Variants in INPP4A observed in about 807,000 individuals in gnomAD.
The protein encoded by INPP4A is inositol polyphosphate-4-phosphatase, type I, 107kD.
In INPP4A, 33 loss-of-function variants were observed where a neutral mutation model predicts 119.8. That is an observed-to-expected ratio of 0.28 (90% CI 0.21 to 0.37). The LOEUF is 0.37. INPP4A is among the 10% of genes least tolerant of loss of function. The pLI is 1.00. For missense variants in INPP4A, 956 were observed against 1,289.9 expected, an observed-to-expected ratio of 0.74 and a Z score of 3.97; for synonymous variants, 496 against 500.7, an observed-to-expected ratio of 0.99 and a Z score of 0.12.
intron 17 of INPP4A, among the ~76,000 whole-genome samples, chr2:98,562,077 G>A (rs578223802): frequency 2.7e-4 from 41 of 152,324 alleles, no homozygotes; most frequent in Non-Finnish European, 4.6e-4. Flanking sequence ...AGCAGTGGCC[G>A]GGGCCGGGCC....
At chr2:98,530,357 G>C (rs147005645) in intron 4 of INPP4A, among the ~76,000 whole-genome samples, 2 of 152,226 alleles carry the variant, frequency 1.3e-5, no homozygotes, top group East Asian at 3.9e-4. Flanking sequence ...TAGACACTAA[G>C]TGTCTAAAGA....
intron 1 of INPP4A, among the ~76,000 whole-genome samples, chr2:98,512,365 C>G (rs943482721): frequency 3.9e-5 from 6 of 152,182 alleles, no homozygotes; most frequent in Non-Finnish European, 5.9e-5. Context: ...CAGGTTGATC[C>G]AAGGGTTTAG....
chr2:98,555,861 C>T (rs1694389290), intron 16 of INPP4A, 53 bp downstream of exon 16: 3 of 1,506,182 alleles, frequency 2.0e-6, no homozygotes, highest in Non-Finnish European at 2.7e-6. Flanking sequence ...CCTTGTGCTG[C>T]TTCCATTTGT....
At chr2:98,460,705 C>A (rs980607736) in intron 1 of INPP4A, among the ~76,000 whole-genome samples, 3 of 152,172 alleles carry the variant, frequency 2.0e-5, no homozygotes, top group African/African-American at 7.2e-5. Flanking sequence ...GTTGTGGATG[C>A]TGCGGCTCAC....
chr2:98,507,192 G>A (rs1186567201), intron 1 of INPP4A, among the ~76,000 whole-genome samples: 4 of 152,220 alleles, frequency 2.6e-5, no homozygotes, highest in African/African-American at 7.2e-5. Flanking sequence ...AAGGTTATGC[G>A]TGACTGATCC....
chr2:98,508,332 G>C (rs1684473863), intron 1 of INPP4A, among the ~76,000 whole-genome samples: 1 of 152,198 alleles, frequency 6.6e-6, no homozygotes, highest in Non-Finnish European at 1.5e-5. Flanking sequence ...CTGCTTTGGG[G>C]TTTAGAGCCT....
chr2:98,552,708 G>A (rs1205684298), intron 13 of INPP4A, 78 bp from the exon 14 acceptor site: 1 of 1,156,310 alleles, frequency 8.6e-7, no homozygotes, highest in African/African-American at 1.5e-5. Flanking sequence ...AGGGTCAATT[G>A]TGGCTGGGGT....
At chr2:98,548,412 A>G (rs1415347965) in intron 13 of INPP4A, among the ~76,000 whole-genome samples, 1 of 152,158 alleles carries the variant, frequency 6.6e-6, no homozygotes, top group Non-Finnish European at 1.5e-5. Context: ...CCAGCCAGAA[A>G]GCGTGTCTGT....
Position 98,512,610 on chromosome 2 carries a change from G to A in INPP4A, c.-165-6354G>A, listed in dbSNP as rs189444225. Reference sequence around the variant, plus strand: ...AATCGGGCTAAACTCCCGATTTATCGGGAATCCACTCCCCTCACTCCTACA... The same window carrying A: ...AATCGGGCTAAACTCCCGATTTATCAGGAATCCACTCCCCTCACTCCTACA... On this transcript the variant is annotated intron_variant, in intron 1 of 24. Transcript: ENST00000409851. 8.2e-3 allele frequency among the ~76,000 whole-genome samples: 1,242 copies of A among 152,300 alleles called. 57 individuals carry two copies. Among genetic ancestry groups the A allele is most frequent in the Admixed American group, 0.072 (1,101 of 15,294 alleles).
At chr2:98,555,909 A>G in intron 16 of INPP4A, 101 bp downstream of exon 16, 2 of 1,369,348 alleles carry the variant, frequency 1.5e-6, no homozygotes, top group Non-Finnish European at 2.0e-6. Flanking sequence ...CCCCATGCAG[A>G]CTGCAGGGAG....
rs535017955 is a variant in INPP4A, at chr2:98,470,698, T to A, written c.-166+25613T>A. On this transcript the variant is annotated intron_variant, in intron 1 of 24. Coordinates refer to ENST00000409851, the MANE Select transcript of INPP4A (RefSeq NM_001134225.2). Reference sequence around the variant, plus strand: ...TTTTTTGTTTTTTGAGACGGAGTCTTGCTCTGTTGCCCAGGCTGGAGTGCA... The same window carrying A: ...TTTTTTGTTTTTTGAGACGGAGTCTAGCTCTGTTGCCCAGGCTGGAGTGCA... Among the ~76,000 whole-genome samples, 4 of 152,186 alleles carry A rather than the reference T, an allele frequency of 2.6e-5. No individual in the cohort carries two copies. The South Asian group carries it at 8.3e-4, about 32-fold the overall frequency.
At chr2:98,510,832 A>G (rs1684984827) in intron 1 of INPP4A, among the ~76,000 whole-genome samples, 2 of 152,196 alleles carry the variant, frequency 1.3e-5, no homozygotes, top group African/African-American at 2.4e-5. Flanking sequence ...TAGTAAGCAT[A>G]TTTATTAAAC....
chr2:98,554,100 T>C lies in INPP4A; in HGVS notation c.1348-171T>C, dbSNP rs1490151933. On this transcript the variant is annotated intron_variant, in intron 14 of 24. Transcript: ENST00000409851. The surrounding 1 kb of genome is among the most constrained non-coding windows in gnomAD (Gnocchi z 4.7). ...AGCCCAAGTGGGCCACATGGCAGTC[T>C]TTGTACTCAGACATCTTGAGGGATG... Among the ~76,000 whole-genome samples the C allele has an allele frequency of 6.6e-6, 1 of 152,242 alleles. No individual in the cohort carries two copies. The highest frequency in any genetic ancestry group is 2.4e-5 in the African/African-American group (1 of 41,464).
At chr2:98,577,187 G>T (rs377629044) in intron 24 of INPP4A, 44 bp downstream of exon 24, 3 of 1,525,286 alleles carry the variant, frequency 2.0e-6, no homozygotes, top group Admixed American at 2.0e-5. Flanking sequence ...GCCCCGGCCC[G>T]TGTAAACTGC....
In INPP4A at chr2:98,546,657, C is replaced by T. The variant is rs779717943; in HGVS notation, c.1126C>T (p.Arg376Cys). ...HCQGFKSGGL[R>C]KKLHKFEETK... is the part of the protein sequence containing the mutation. ...CCAAGGTTTTAAGTCAGGAGGTCTCCGCAAAAAGCTGCACAAATTTGAAGA... is the reference window on the plus strand; with the variant it reads ...CCAAGGTTTTAAGTCAGGAGGTCTCTGCAAAAAGCTGCACAAATTTGAAGA... The change falls in exon 13 of 25, where the codon CGC becomes TGC. Residue 376 changes from arginine to cysteine, a missense_variant. Around this residue, in one of 2 missense-constraint regions of INPP4A, gnomAD observed 652 missense variants for 797.9 expected, o/e 0.82. Transcript: ENST00000409851. The surrounding 1 kb of genome is among the most constrained non-coding windows in gnomAD (Gnocchi z 4.2). The T allele has an allele frequency of 7.4e-6, 12 of 1,613,492 alleles. No individual in the cohort carries two copies. Among genetic ancestry groups the T allele is most frequent in the South Asian group, 1.1e-5 (1 of 91,080 alleles).
chr2:98,581,642 GC>G, intron 24 of INPP4A: 1 of 1,586,796 alleles, frequency 6.3e-7, no homozygotes, highest in South Asian at 1.1e-5. Flanking sequence ...GAGACTTAAG[GC>G]TAGACCCCAG....
At position 98,591,826 on chromosome 2, in the gene INPP4A, A is replaced by ATGC. The variant is rs1175940286; in HGVS notation, c.*4219_*4220insGCT. On this transcript the variant is annotated 3_prime_UTR_variant, in exon 25 of 25. Coordinates refer to ENST00000409851, the MANE Select transcript of INPP4A (RefSeq NM_001134225.2). ...TTGTTCTACTGCATAACCTCCCTCT[A>ATGC]TTCTTTACCAGCATCACACAGCAGG... 2 of 152,192 alleles carry ATGC rather than the reference A, an allele frequency of 1.3e-5. No individual in the cohort carries two copies. The highest frequency in any genetic ancestry group is 2.9e-5 in the Non-Finnish European group (2 of 68,042). 9.4% of individuals were successfully genotyped at this position (152,192 alleles called of 1,614,324 possible).
chr2:98,563,575 G>A lies in INPP4A; in HGVS notation c.1966G>A (p.Ala656Thr), dbSNP rs1575101620. 1.9e-6 allele frequency: 3 copies of A among 1,613,676 alleles called. No homozygotes were observed. The highest frequency in any genetic ancestry group is 1.1e-5 in the South Asian group (1 of 91,070). The change falls in exon 18 of 25, where the codon GCG becomes ACG. Residue 656 changes from alanine to threonine, a missense_variant. By Grantham distance (58) the Ala-to-Thr change is moderately conservative. This residue lies in a region of INPP4A where 304 missense variants were observed against 492.1 expected (regional missense o/e 0.62). Transcript: ENST00000409851. ...GGTATTCCTGCTCATGCAGGACAGC[G>A]CGCCCACCATAGCCACCTACCTGAG... ...AMVFLLMQDS[A>T]PTIATYLSLQ...
chr2:98,539,286 C>T (rs1690939864), intron 9 of INPP4A, among the ~76,000 whole-genome samples: 1 of 152,316 alleles, frequency 6.6e-6, no homozygotes, highest in Admixed American at 6.5e-5. Flanking sequence ...CTCCCTGCCC[C>T]CAGCTGCTTG....
Sources: allele counts gnomAD v4.1 joint callset (sites outside exome capture counted in the v4.1 genomes callset), GRCh38; gene constraint gnomAD v4.1.1; regional missense constraint gnomAD v4.1.1; non-coding constraint Gnocchi (gnomAD v3.1); transcripts MANE v1.5; gene names NCBI Gene and HGNC (gene_info 2026-07-23, HGNC 2026-07-21).